ARHGAP10: variants seen among roughly 807,000 people sequenced by gnomAD.
ARHGAP10 encodes Rho GTPase activating protein 10.
A neutral mutation model predicts 108.6 loss-of-function variants in ARHGAP10; 87 were observed. The ratio of observed to expected loss-of-function variants is 0.80; its 90% CI spans 0.67 to 0.96. The LOEUF (loss-of-function observed/expected upper bound fraction) is 0.96. ARHGAP10 is among the 40% of genes least tolerant of loss of function. ARHGAP10 has a pLI of 0.00. For missense variants in ARHGAP10, 939 were observed against 954.5 expected (o/e 0.98, Z 0.21); for synonymous variants, 347 against 341.1 (o/e 1.02, Z -0.19).
intron 5 of ARHGAP10, chr4:147,864,553 CAACA>C (rs1337738225): frequency 2.5e-5 from 6 of 239,742 alleles, no homozygotes; most frequent in Admixed American, 2.2e-4. Flanking sequence ...GGGTCAACTT[CAACA>C]AACAGAGTAG....
chr4:147,857,723 C>T (rs1734153128), intron 5 of ARHGAP10, 69 bp downstream of exon 5: 3 of 1,252,256 alleles, frequency 2.4e-6, no homozygotes, highest in Non-Finnish European at 3.1e-6. Flanking sequence ...TAAAAATGTG[C>T]TTTAATTTGG....
At chr4:147,913,858 A>T (rs1471098399) in intron 13 of ARHGAP10, among the ~76,000 whole-genome samples, 1 of 152,102 alleles carries the variant, frequency 6.6e-6, no homozygotes, top group East Asian at 1.9e-4. Flanking sequence ...GTCCCTGTTT[A>T]AAAAAATCAG....
Position 147,875,161 on chromosome 4 carries a change from C to G in ARHGAP10, c.832+11C>G. 6.4e-7 allele frequency: 1 copy of G among 1,561,010 alleles called. No individual in the cohort carries two copies. Among genetic ancestry groups the G allele is most frequent in the Non-Finnish European group, 8.6e-7 (1 of 1,161,638 alleles). On this transcript the variant is annotated intron_variant, in intron 8 of 22. Coordinates refer to ENST00000336498, the MANE Select transcript of ARHGAP10 (RefSeq NM_024605.4). ...ATGTCCAGGAAAAAAGTAAGAGGCCCTCCAGCAGTGGCTGCGTGGCTGCTT... is the reference window on the plus strand; with the variant it reads ...ATGTCCAGGAAAAAAGTAAGAGGCCGTCCAGCAGTGGCTGCGTGGCTGCTT...
intron 10 of ARHGAP10, among the ~76,000 whole-genome samples, chr4:147,894,926 A>G (rs1426566029): frequency 6.6e-6 from 1 of 152,200 alleles, no homozygotes; most frequent in African/African-American, 2.4e-5. Context: ...TTACTGTGTC[A>G]TTAGTCAGGT....
At chr4:147,919,870 G>A (rs1486002672) in intron 13 of ARHGAP10, among the ~76,000 whole-genome samples, 2 of 152,108 alleles carry the variant, frequency 1.3e-5, no homozygotes, top group Non-Finnish European at 2.9e-5. Flanking sequence ...ATGAGCCACT[G>A]TACCTGGCCT....
chr4:147,913,072 A>G lies in ARHGAP10; in HGVS notation c.1163-2A>G. ...CTTAATGTTTTAAACTGTTTCTTGTAGATGCACAGTTGGATAAGATGGGGT... is the reference window on the plus strand; with the variant it reads ...CTTAATGTTTTAAACTGTTTCTTGTGGATGCACAGTTGGATAAGATGGGGT... On this transcript the variant is annotated splice_acceptor_variant, in intron 12 of 22. Coordinates refer to ENST00000336498, the MANE Select transcript of ARHGAP10 (RefSeq NM_024605.4). LOFTEE classifies it high-confidence loss of function. 1 of 1,612,188 alleles carries G rather than the reference A, an allele frequency of 6.2e-7. No homozygotes were observed. Among genetic ancestry groups the G allele is most frequent in the Non-Finnish European group, 8.5e-7 (1 of 1,178,320 alleles).
chr4:147,963,675 G>A (rs1185228252), intron 16 of ARHGAP10, among the ~76,000 whole-genome samples: 1 of 152,190 alleles, frequency 6.6e-6, no homozygotes, highest in Non-Finnish European at 1.5e-5. Context: ...CAAAGAAGAG[G>A]CATTTATTCC....
rs764711411 is a variant in ARHGAP10, at chr4:147,857,558, A to G, written c.390A>G (p.Glu130=). 5.4e-6 allele frequency: 8 copies of G among 1,475,488 alleles called. No individual in the cohort carries two copies. The South Asian group carries it at 8.6e-5, about 16-fold the overall frequency. 91.4% of individuals were successfully genotyped at this position (1,475,488 alleles called of 1,614,324 possible). The change falls in exon 5 of 23, where the codon GAA becomes GAG. Residue 130 remains glutamate, a synonymous_variant. Transcript: ENST00000336498. ...AGTTTTTTTTTTATTTGTAGGAAGAAAAAAAGAAGTTTGACAAAGAGACAG... is the reference window on the plus strand; with the variant it reads ...AGTTTTTTTTTTATTTGTAGGAAGAGAAAAAGAAGTTTGACAAAGAGACAG... ...RKEQLGAVKE[E]KKKFDKETEK...
At chr4:147,957,251 T>C (rs1166736163) in intron 16 of ARHGAP10, among the ~76,000 whole-genome samples, 1 of 152,190 alleles carries the variant, frequency 6.6e-6, no homozygotes, top group Non-Finnish European at 1.5e-5. Flanking sequence ...AAAAAGTACA[T>C]GTACTAAATG....
intron 20 of ARHGAP10, among the ~76,000 whole-genome samples, chr4:148,056,102 G>A (rs1729353698): frequency 6.6e-6 from 1 of 152,204 alleles, no homozygotes; most frequent in South Asian, 2.1e-4. Flanking sequence ...TAGCAGAATT[G>A]AGTAGTTGCA....
intron 5 of ARHGAP10, chr4:147,861,844 T>C (rs1560796482): frequency 6.6e-6 from 1 of 152,206 alleles, no homozygotes; most frequent in Non-Finnish European, 1.5e-5. Flanking sequence ...AGGGAGGAAG[T>C]GTGCTGATTG....
intron 18 of ARHGAP10, among the ~76,000 whole-genome samples, chr4:148,006,745 T>TA (rs756156596): frequency 2.0e-5 from 3 of 152,354 alleles, no homozygotes; most frequent in South Asian, 4.1e-4. Context: ...TTTCATGTGA[T>TA]AAAAAAACTC....
chr4:147,835,778 C>T (rs1486434016), intron 3 of ARHGAP10, among the ~76,000 whole-genome samples: 2 of 152,152 alleles, frequency 1.3e-5, no homozygotes, highest in South Asian at 2.1e-4. Flanking sequence ...CTAAAATTTT[C>T]TCTTATGTAA....
chr4:147,756,708 C>T (rs183212776), intron 1 of ARHGAP10, among the ~76,000 whole-genome samples: 10 of 152,198 alleles, frequency 6.6e-5, no homozygotes, highest in Non-Finnish European at 8.8e-5. Flanking sequence ...CAGTGCTATT[C>T]ATGGTTTTAG....
chr4:147,933,711 G>A (rs917442339), intron 13 of ARHGAP10, among the ~76,000 whole-genome samples: 1 of 152,224 alleles, frequency 6.6e-6, no homozygotes, highest in Non-Finnish European at 1.5e-5. Flanking sequence ...CCAGAAGACT[G>A]TTCTAGTGGC....
chr4:147,865,332 C>T (rs1231159660), intron 6 of ARHGAP10: 2 of 157,928 alleles, frequency 1.3e-5, no homozygotes, highest in African/African-American at 2.4e-5. Flanking sequence ...TTTAAACAAT[C>T]GTTTGTAACA....
chr4:147,893,173 C>T (rs1040460715), intron 10 of ARHGAP10, among the ~76,000 whole-genome samples: 6 of 152,046 alleles, frequency 3.9e-5, no homozygotes, highest in Non-Finnish European at 8.8e-5. Context: ...ATTCTCCTGC[C>T]TCAGCCTCCT....
At chr4:148,024,958 G>A (rs919580261) in intron 19 of ARHGAP10, among the ~76,000 whole-genome samples, 1 of 152,196 alleles carries the variant, frequency 6.6e-6, no homozygotes, top group Non-Finnish European at 1.5e-5. Context: ...GGAATTGACT[G>A]TATTTCATGA....
intron 10 of ARHGAP10, among the ~76,000 whole-genome samples, chr4:147,896,468 T>C (rs1053259484): frequency 6.6e-5 from 10 of 152,218 alleles, no homozygotes; most frequent in African/African-American, 2.4e-4. Flanking sequence ...TTGTTGACTT[T>C]ATTGGCATAA....
Sources: allele counts gnomAD v4.1 joint callset (sites outside exome capture counted in the v4.1 genomes callset), GRCh38; gene constraint gnomAD v4.1.1; transcripts MANE v1.5; gene names NCBI Gene and HGNC (gene_info 2026-07-23, HGNC 2026-07-21).